Variants in ACKR2 observed in about 807,000 individuals in gnomAD.
ACKR2 encodes atypical chemokine receptor 2.
For missense variants in ACKR2, 457 were observed against 477.3 expected (o/e 0.96, Z 0.40); for synonymous variants, 207 against 192.2 (o/e 1.08, Z -0.64).
intron 2 of ACKR2, among the ~76,000 whole-genome samples, chr3:42,833,937 C>A (rs1173731327): frequency 6.6e-6 from 1 of 152,020 alleles, no homozygotes; most frequent in Non-Finnish European, 1.5e-5. Context: ...GTAATTCATG[C>A]AATATTTCAA....
chr3:42,864,455 T>A lies in ACKR2; in HGVS notation c.-37-11T>A. ...GAGAATGCTAGGTCTCACCATATTT[T>A]CCCCCCGCAGCACTACAGGACGTCG... On this transcript the variant is annotated splice_polypyrimidine_tract_variant and intron_variant, in intron 2 of 2. Transcript: ENST00000422265. The A allele has an allele frequency of 6.5e-7, 1 of 1,537,652 alleles. No individual in the cohort carries two copies. Among genetic ancestry groups the A allele is most frequent in the Non-Finnish European group, 8.7e-7 (1 of 1,145,614 alleles).
chr3:42,818,263 G>A (rs1372697452), intron 1 of ACKR2, among the ~76,000 whole-genome samples: 3 of 152,136 alleles, frequency 2.0e-5, no homozygotes, highest in Non-Finnish European at 2.9e-5. Flanking sequence ...ATTCCCTGAC[G>A]TGTTTGATGG....
intron 2 of ACKR2, among the ~76,000 whole-genome samples, chr3:42,825,384 A>G (rs984455758): frequency 3.3e-5 from 5 of 152,120 alleles, no homozygotes; most frequent in Non-Finnish European, 4.4e-5. Context: ...ATTTCTTTCC[A>G]TGATGTTTTA....
chr3:42,823,896 A>G (rs1464787780), intron 2 of ACKR2, among the ~76,000 whole-genome samples: 3 of 152,238 alleles, frequency 2.0e-5, no homozygotes, highest in African/African-American at 7.2e-5. Context: ...TCTGAGTTTT[A>G]GAACACTGAG....
chr3:42,861,623 C>A (rs554624983), intron 2 of ACKR2, among the ~76,000 whole-genome samples: 2 of 152,280 alleles, frequency 1.3e-5, no homozygotes, highest in African/African-American at 4.8e-5. Context: ...CAATAAAATG[C>A]TGGCAAACCA....
At chr3:42,815,564 G>A (rs1235634933) in intron 1 of ACKR2, among the ~76,000 whole-genome samples, 1 of 152,168 alleles carries the variant, frequency 6.6e-6, no homozygotes, top group African/African-American at 2.4e-5. Context: ...TTAATTGCAT[G>A]TTTCAAAGTT....
intron 2 of ACKR2, among the ~76,000 whole-genome samples, chr3:42,837,858 C>T (rs528865596): frequency 4.7e-4 from 71 of 152,178 alleles, no homozygotes; most frequent in Admixed American, 1.2e-3. Context: ...TCTCCCTGGA[C>T]TTCCATGCCA....
intron 2 of ACKR2, among the ~76,000 whole-genome samples, chr3:42,825,266 A>T (rs1255819252): frequency 6.6e-6 from 1 of 152,076 alleles, no homozygotes; most frequent in Admixed American, 6.5e-5. Context: ...TTTGATTGGG[A>T]TTGTGTTGAA....
chr3:42,815,635 A>C (rs1001799172), intron 1 of ACKR2, among the ~76,000 whole-genome samples: 2 of 152,228 alleles, frequency 1.3e-5, no homozygotes, highest in African/African-American at 4.8e-5. Context: ...TTCTCTTGGC[A>C]AAAAGTAACC....
At chr3:42,810,412 C>A (rs1296682780) in intron 1 of ACKR2, among the ~76,000 whole-genome samples, 3 of 151,676 alleles carry the variant, frequency 2.0e-5, no homozygotes, top group Admixed American at 2.0e-4. Context: ...ATAGTACCCC[C>A]CCCCAATTTT....
intron 2 of ACKR2, among the ~76,000 whole-genome samples, chr3:42,830,926 C>CT (rs1700925672): frequency 1.3e-5 from 2 of 151,862 alleles, no homozygotes; most frequent in South Asian, 4.1e-4. Flanking sequence ...ACATTTTGGT[C>CT]TTTTTTCTGT....
At chr3:42,829,681 T>C (rs1700910203) in intron 2 of ACKR2, among the ~76,000 whole-genome samples, 1 of 152,206 alleles carries the variant, frequency 6.6e-6, no homozygotes, top group Non-Finnish European at 1.5e-5. Context: ...CCCTTCTTCC[T>C]ATAGCACAGT....
intron 2 of ACKR2, chr3:42,851,273 C>A (rs1476405907): frequency 3.7e-6 from 3 of 817,780 alleles, no homozygotes; most frequent in East Asian, 1.2e-4. Context: ...GGGGCAAGGG[C>A]AAAGGGATTT....
At chr3:42,840,347 G>T (rs1701025485) in intron 2 of ACKR2, among the ~76,000 whole-genome samples, 1 of 151,702 alleles carries the variant, frequency 6.6e-6, no homozygotes, top group Admixed American at 6.6e-5. Flanking sequence ...GCTACAGAGA[G>T]CTGGGTTCGC....
chr3:42,857,862 C>A (rs1490157508), intron 2 of ACKR2, among the ~76,000 whole-genome samples: 1 of 152,242 alleles, frequency 6.6e-6, no homozygotes, highest in Non-Finnish European at 1.5e-5. Context: ...ATTACTGAGG[C>A]TTGAGTAGGC....
At chr3:42,851,462 A>G in intron 2 of ACKR2, 1 of 984,530 alleles carries the variant, frequency 1.0e-6, no homozygotes, top group Non-Finnish European at 1.2e-6. Flanking sequence ...CCGGTAGGTT[A>G]TAGCCATACT....
rs757492481 is a variant in ACKR2, at chr3:42,864,509, G to A, written c.7G>A (p.Ala3Thr). 5.6e-6 allele frequency: 9 copies of A among 1,595,466 alleles called. No individual in the cohort carries two copies. In the South Asian group the frequency reaches 7.9e-5, roughly 14 times the overall value. Residue 3 changes from alanine to threonine, a missense_variant, in exon 3 of 3, where the codon GCC becomes ACC. Physicochemically the swap from Ala to Thr is moderately conservative, Grantham distance 58. Transcript: ENST00000422265. ...CTGGGCATTTCCTTCCAACATGGCC[G>A]CCACTGCCTCTCCGCAGCCACTCGC... is the stretch of plus-strand genomic sequence containing the variant. The part of the protein sequence containing the change: MA[A>T]TASPQPLATE...
At chr3:42,830,368 A>T (rs1023064353) in intron 2 of ACKR2, among the ~76,000 whole-genome samples, 1 of 152,102 alleles carries the variant, frequency 6.6e-6, no homozygotes, top group Non-Finnish European at 1.5e-5. Context: ...TCCCTGCCTC[A>T]GCCTCCCAAA....
chr3:42,811,594 C>T (rs1445426175), intron 1 of ACKR2, among the ~76,000 whole-genome samples: 1 of 152,178 alleles, frequency 6.6e-6, no homozygotes, highest in Non-Finnish European at 1.5e-5. Context: ...GCCGTCCTCC[C>T]CAGCCTGTCA....
Sources: allele counts gnomAD v4.1 joint callset (sites outside exome capture counted in the v4.1 genomes callset), GRCh38; gene constraint gnomAD v4.1.1; transcripts MANE v1.5; gene names NCBI Gene and HGNC (gene_info 2026-07-23, HGNC 2026-07-21).